XYLT1: variants seen among roughly 807,000 people sequenced by gnomAD.
The protein encoded by XYLT1 is beta-D-xylosyltransferase 1.
A neutral mutation model predicts 91.3 loss-of-function variants in XYLT1; 36 were observed. The observed-to-expected ratio is 0.39, with a 90% CI of 0.30 to 0.52. The LOEUF (loss-of-function observed/expected upper bound fraction) is 0.52, where lower values mean the gene tolerates loss of function less well. Among genes scored for constraint, XYLT1 ranks in the 20% least tolerant of loss-of-function variants. The pLI, the probability that XYLT1 is intolerant of heterozygous loss-of-function variation, is 0.68. For synonymous variants in XYLT1, 588 were observed against 532.0 expected (o/e 1.11, Z -1.45); for missense variants, 1,242 against 1,284.5 (o/e 0.97, Z 0.51).
rs528882479 is a variant in XYLT1 at position 17,404,337 on chromosome 16, G to A, written c.364-46287C>T. On this transcript the variant is annotated intron_variant, in intron 1 of 11. Transcript: ENST00000261381. ...CAACACAATTCCTGCTACAGCTGAGGATGAGGGCGTGGAGCAGGTCACACA... is the reference window on the plus strand; with the variant it reads ...CAACACAATTCCTGCTACAGCTGAGAATGAGGGCGTGGAGCAGGTCACACA... 4.6e-4 allele frequency among the ~76,000 whole-genome samples: 70 copies of A among 152,306 alleles called. 2 individuals carry two copies. The South Asian group carries it at 0.013, about 29-fold the overall frequency.
chr16:17,464,118 G>GT (rs1485185781), intron 1 of XYLT1, among the ~76,000 whole-genome samples: 2 of 152,068 alleles, frequency 1.3e-5, no homozygotes, highest in African/African-American at 4.8e-5. Flanking sequence ...AATCCAGTTA[G>GT]ATAGAAGGAA....
At chr16:17,158,736 C>G in intron 6 of XYLT1, 93 bp downstream of exon 6, 1 of 1,384,340 alleles carries the variant, frequency 7.2e-7, no homozygotes, top group South Asian at 1.2e-5. Context: ...CTCAACCTTT[C>G]TGTGGCTGCA....
intron 5 of XYLT1, among the ~76,000 whole-genome samples, chr16:17,163,244 G>A (rs187744912): frequency 5.9e-5 from 9 of 152,310 alleles, no homozygotes; most frequent in African/African-American, 2.2e-4. Context: ...CAGACTTAGG[G>A]ACTGGCTCCC....
chr16:17,372,154 T>C (rs1381256226), intron 1 of XYLT1, among the ~76,000 whole-genome samples: 1 of 152,208 alleles, frequency 6.6e-6, no homozygotes. Flanking sequence ...CAGCATCCCA[T>C]CTCTGCACTT....
chr16:17,358,334 G>T (rs982296005), intron 1 of XYLT1, among the ~76,000 whole-genome samples: 3 of 151,898 alleles, frequency 2.0e-5, no homozygotes. Context: ...ATGGGGTCTC[G>T]CTATGTTTCC....
At chr16:17,260,918 C>T (rs1412911129) in intron 2 of XYLT1, among the ~76,000 whole-genome samples, 1 of 152,148 alleles carries the variant, frequency 6.6e-6, no homozygotes, top group Non-Finnish European at 1.5e-5. Flanking sequence ...CCATATACGA[C>T]TTAGTGATGG....
At position 17,315,236 on chromosome 16, in the gene XYLT1, C is replaced by G. The variant is rs909418143; in HGVS notation, c.402+42776G>C. On this transcript the variant is annotated intron_variant, in intron 2 of 11. Coordinates refer to ENST00000261381, the MANE Select transcript of XYLT1 (RefSeq NM_022166.4). ...TCCTGAACCTGCCTCTCCATTCAAC[C>G]CAAACTCATTTCTCTTTCCCTCCCT... Among the ~76,000 whole-genome samples, 21 of 152,218 alleles carry G rather than the reference C, an allele frequency of 1.4e-4. 1 individual carries two copies. Among genetic ancestry groups the G allele is most frequent in the Admixed American group, 2.0e-4 (3 of 15,286 alleles).
At chr16:17,162,791 A>C (rs2031587006) in intron 5 of XYLT1, among the ~76,000 whole-genome samples, 2 of 152,244 alleles carry the variant, frequency 1.3e-5, no homozygotes, top group South Asian at 4.1e-4. Flanking sequence ...CAGATGATGC[A>C]TGTGCTCTTT....
At chr16:17,151,052 A>T (rs762440732) in intron 6 of XYLT1, among the ~76,000 whole-genome samples, 2 of 152,212 alleles carry the variant, frequency 1.3e-5, no homozygotes, top group Non-Finnish European at 2.9e-5. Context: ...CATACCACCC[A>T]CAAGTCCACG....
chr16:17,336,525 T>C (rs937276300), intron 2 of XYLT1, among the ~76,000 whole-genome samples: 6 of 151,952 alleles, frequency 3.9e-5, no homozygotes, highest in Non-Finnish European at 8.8e-5. Context: ...TGGTTGCGGG[T>C]GTGGGTATGG....
intron 2 of XYLT1, among the ~76,000 whole-genome samples, chr16:17,268,664 A>C (rs11864620): frequency 0.085 from 12,717 of 149,178 alleles, 697 homozygotes; most frequent in African/African-American, 0.13. Flanking sequence ...TGAGTGATAA[A>C]TACTTTTTTT....
chr16:17,462,054 A>G (rs2036830734), intron 1 of XYLT1, among the ~76,000 whole-genome samples: 1 of 152,080 alleles, frequency 6.6e-6, no homozygotes, highest in African/African-American at 2.4e-5. Context: ...CTGCCCCACA[A>G]ACTCATCTTA....
chr16:17,222,953 G>A (rs898833084), intron 3 of XYLT1, among the ~76,000 whole-genome samples: 3 of 151,712 alleles, frequency 2.0e-5, no homozygotes, highest in Admixed American at 1.3e-4. Flanking sequence ...AACACCAAGC[G>A]GGGGCTGGGA....
In XYLT1 at chr16:17,168,070, GAA is replaced by G. The variant is rs561994322; in HGVS notation, c.1290-9163_1290-9162del. 3.9e-5 allele frequency among the ~76,000 whole-genome samples: 6 copies of G among 152,344 alleles called. 1 individual carries two copies. In the South Asian group the frequency reaches 1.2e-3, roughly 32 times the overall value. On this transcript the variant is annotated intron_variant, in intron 5 of 11. Transcript: ENST00000261381. ...AAGGCCAAGTTCGGGACTTGCTGAA[GAA>G]GAGACAAGAGCAAAAGAACTGGAAA...
At chr16:17,387,595 C>T (rs1037671879) in intron 1 of XYLT1, among the ~76,000 whole-genome samples, 4 of 152,222 alleles carry the variant, frequency 2.6e-5, no homozygotes, top group Non-Finnish European at 4.4e-5. Flanking sequence ...TGGCTCACCA[C>T]TGCCCAGAGA....
chr16:17,219,794 C>T (rs780813663), intron 3 of XYLT1, among the ~76,000 whole-genome samples: 8 of 151,980 alleles, frequency 5.3e-5, no homozygotes, highest in African/African-American at 1.2e-4. Flanking sequence ...TTTGGGAGGC[C>T]GAGGCGGGTG....
chr16:17,380,193 C>T (rs1259182554), intron 1 of XYLT1, among the ~76,000 whole-genome samples: 3 of 152,178 alleles, frequency 2.0e-5, no homozygotes, highest in Non-Finnish European at 4.4e-5. Flanking sequence ...GAGGCTGAGG[C>T]AGAAGAATCA....
chr16:17,326,460 T>A (rs1567375667), intron 2 of XYLT1, among the ~76,000 whole-genome samples: 1 of 152,174 alleles, frequency 6.6e-6, no homozygotes. Context: ...TTGCCTTTGG[T>A]ATTCCATGCT....
At chr16:17,311,870 T>C (rs151188643) in intron 2 of XYLT1, among the ~76,000 whole-genome samples, 3 of 151,942 alleles carry the variant, frequency 2.0e-5, no homozygotes, top group African/African-American at 7.3e-5. Flanking sequence ...CAAAAGGGGT[T>C]TCCCCTTATA....
Sources: allele counts gnomAD v4.1 joint callset (sites outside exome capture counted in the v4.1 genomes callset), GRCh38; gene constraint gnomAD v4.1.1; transcripts MANE v1.5; gene names NCBI Gene and HGNC (gene_info 2026-07-23, HGNC 2026-07-21).